The following ERBB4 variants were observed in gnomAD, a reference collection of about 807,000 sequenced individuals.
ERBB4 encodes receptor tyrosine-protein kinase erbB-4.
In ERBB4, 42 loss-of-function variants were observed where a neutral mutation model predicts 158.0. The observed-to-expected ratio is 0.27, with a 90% confidence interval of 0.21 to 0.34. ERBB4 has a LOEUF of 0.34. Ranked by LOEUF, ERBB4 falls within the 10% of genes least tolerant of loss-of-function variation. ERBB4 has a pLI of 1.00. For missense variants in ERBB4, 1,333 were observed against 1,624.1 expected (o/e 0.82, Z 3.08); for synonymous variants, 583 against 558.7 (o/e 1.04, Z -0.61).
chr2:212,137,353 G>A, intron 1 of ERBB4, among the ~76,000 whole-genome samples: 1 of 152,044 alleles, frequency 6.6e-6, no homozygotes, highest in East Asian at 1.9e-4. Flanking sequence ...ATAGGCCCCA[G>A]TGTGTACTGT....
At chr2:212,490,960 T>C (rs1690244549) in intron 1 of ERBB4, among the ~76,000 whole-genome samples, 1 of 151,744 alleles carries the variant, frequency 6.6e-6, no homozygotes, top group Non-Finnish European at 1.5e-5. Flanking sequence ...TCCAATTTCT[T>C]ATTCTTTTGA....
chr2:212,036,259 AT>A (rs1166967499), intron 2 of ERBB4, among the ~76,000 whole-genome samples: 1 of 152,136 alleles, frequency 6.6e-6, no homozygotes, highest in African/African-American at 2.4e-5. Context: ...ACAAAACTTG[AT>A]TTAAAAAAAG....
chr2:211,903,390 G>A (rs561255270), intron 3 of ERBB4, among the ~76,000 whole-genome samples: 9 of 152,108 alleles, frequency 5.9e-5, no homozygotes, highest in Non-Finnish European at 1.0e-4. Flanking sequence ...TTGGGTGCAA[G>A]GCAGGCATGG....
intron 3 of ERBB4, among the ~76,000 whole-genome samples, chr2:211,905,737 T>TGC (rs1491231818): frequency 5.4e-4 from 37 of 68,328 alleles, no homozygotes; most frequent in African/African-American, 1.8e-3. Flanking sequence ...TGTGTGTGCA[T>TGC]GTGTGTGTAT....
At chr2:212,365,489 T>G (rs1385543343) in intron 1 of ERBB4, among the ~76,000 whole-genome samples, 1 of 151,788 alleles carries the variant, frequency 6.6e-6, no homozygotes, top group South Asian at 2.1e-4. Context: ...ATAGTGGCAA[T>G]CTATTGCAAA....
chr2:211,516,148 C>T (rs2066025345), intron 20 of ERBB4, among the ~76,000 whole-genome samples: 1 of 150,784 alleles, frequency 6.6e-6, no homozygotes, highest in Non-Finnish European at 1.5e-5. Context: ...CATCTACTAA[C>T]CTCGTGATCC....
At chr2:212,036,028 C>A (rs1212432198) in intron 2 of ERBB4, among the ~76,000 whole-genome samples, 1 of 152,080 alleles carries the variant, frequency 6.6e-6, no homozygotes, top group Non-Finnish European at 1.5e-5. Context: ...ATTCTTAATT[C>A]CTCCTGTATT....
At chr2:211,884,041 A>C (rs2106158999) in intron 3 of ERBB4, among the ~76,000 whole-genome samples, 1 of 152,250 alleles carries the variant, frequency 6.6e-6, no homozygotes, top group Admixed American at 6.5e-5. Context: ...AATGAACCTA[A>C]GTTCTGGCTT....
At chr2:212,366,503 A>G (rs550097576) in intron 1 of ERBB4, among the ~76,000 whole-genome samples, 20 of 152,116 alleles carry the variant, frequency 1.3e-4, no homozygotes, top group African/African-American at 4.3e-4. Context: ...AAAACACATG[A>G]ATTCAGGGAG....
At chr2:212,413,968 T>C (rs1019092812) in intron 1 of ERBB4, among the ~76,000 whole-genome samples, 2 of 152,184 alleles carry the variant, frequency 1.3e-5, no homozygotes, top group African/African-American at 4.8e-5. Flanking sequence ...TTTATTCATC[T>C]GTGAAATAGT....
intron 25 of ERBB4, among the ~76,000 whole-genome samples, chr2:211,408,175 TTATA>T (rs1341551298): frequency 1.3e-5 from 2 of 152,200 alleles, no homozygotes; most frequent in African/African-American, 4.8e-5. Context: ...GCCACTTCTA[TTATA>T]TAAAGGGTAA....
At chr2:212,351,230 A>G (rs1181656584) in intron 1 of ERBB4, among the ~76,000 whole-genome samples, 3 of 152,132 alleles carry the variant, frequency 2.0e-5, no homozygotes, top group Non-Finnish European at 4.4e-5. Context: ...GGCACCAAGG[A>G]AAGACCACAG....
At chr2:211,680,825 ATGTG>A (rs2072305060) in intron 12 of ERBB4, among the ~76,000 whole-genome samples, 1 of 152,170 alleles carries the variant, frequency 6.6e-6, no homozygotes, top group Admixed American at 6.5e-5. Flanking sequence ...TAAGAGAGAA[ATGTG>A]TGTGTATCTG....
chr2:211,994,273 G>T (rs1424426636), intron 2 of ERBB4, among the ~76,000 whole-genome samples: 1 of 151,734 alleles, frequency 6.6e-6, no homozygotes, highest in Non-Finnish European at 1.5e-5. Flanking sequence ...TAGGATGACA[G>T]ACACATGCCA....
intron 19 of ERBB4, among the ~76,000 whole-genome samples, chr2:211,596,781 T>G (rs2068645250): frequency 6.6e-6 from 1 of 151,768 alleles, no homozygotes; most frequent in Non-Finnish European, 1.5e-5. Context: ...TTTTTTTTTC[T>G]GAGATGGAGT....
intron 3 of ERBB4, among the ~76,000 whole-genome samples, chr2:211,841,460 A>G (rs2077469259): frequency 6.6e-6 from 1 of 152,048 alleles, no homozygotes; most frequent in Non-Finnish European, 1.5e-5. Context: ...ACCATGACAC[A>G]TTGTATTGTT....
rs181291916 is a variant in ERBB4 at position 211,510,383 on chromosome 2, C to T, written c.2487+51520G>A. Among the ~76,000 whole-genome samples, 25 of 152,072 alleles carry T rather than the reference C, an allele frequency of 1.6e-4. No homozygotes were observed. The East Asian group carries it at 3.5e-3, about 21-fold the overall frequency. On this transcript the variant is annotated intron_variant, in intron 20 of 27. Coordinates refer to ENST00000342788, the MANE Select transcript of ERBB4 (RefSeq NM_005235.3). The stretch of plus-strand genomic sequence containing the variant: ...TGGGTACAAAGTTCACTATTTAGTG[C>T]GATGGTTAAACTAGAAGCCCAAACC...
chr2:211,563,535 T>C (rs1413487048), intron 19 of ERBB4, among the ~76,000 whole-genome samples: 2 of 152,226 alleles, frequency 1.3e-5, no homozygotes, highest in Non-Finnish European at 2.9e-5. Flanking sequence ...AGAGCAATGT[T>C]GCATCTTTGG....
At chr2:211,583,489 GAAGTA>G (rs1358321627) in intron 19 of ERBB4, among the ~76,000 whole-genome samples, 3 of 146,724 alleles carry the variant, frequency 2.0e-5, no homozygotes, top group African/African-American at 4.9e-5. Context: ...AAGATTTTTG[GAAGTA>G]TAGTAGAATA....
Sources: gnomAD v4.1 joint callset for allele counts (sites outside exome capture counted in the v4.1 genomes callset) on GRCh38, gnomAD v4.1.1 for gene constraint, MANE v1.5 for transcripts, NCBI Gene and HGNC (gene_info 2026-07-23, HGNC 2026-07-21) for gene names.